STK32B: variants seen among roughly 807,000 people sequenced by gnomAD.
STK32B encodes serine/threonine-protein kinase 32B.
In STK32B, 43 loss-of-function variants were observed where a neutral mutation model predicts 52.6. That is an observed-to-expected ratio of 0.82 (90% CI 0.64 to 1.05). The LOEUF is 1.05. STK32B is among the 50% of genes least tolerant of loss of function. The pLI, the probability that STK32B is intolerant of heterozygous loss-of-function variation, is 0.00. For missense variants in STK32B, 621 were observed against 534.6 expected, an observed-to-expected ratio of 1.16 and a Z score of -1.59; for synonymous variants, 238 against 204.3, an observed-to-expected ratio of 1.17 and a Z score of -1.41.
chr4:5,122,623 A>T (rs1318180820), intron 1 of STK32B, among the ~76,000 whole-genome samples: 1 of 151,898 alleles, frequency 6.6e-6, no homozygotes, highest in African/African-American at 2.4e-5. Context: ...TCATTCCCTG[A>T]CTCATTCACT....
At chr4:5,241,436 G>C (rs1279833219) in intron 3 of STK32B, among the ~76,000 whole-genome samples, 1 of 152,144 alleles carries the variant, frequency 6.6e-6, no homozygotes, top group Admixed American at 6.5e-5. Flanking sequence ...CCAGCACCTG[G>C]AGTGCAAACA....
chr4:5,279,313 A>T (rs555118639), intron 3 of STK32B, among the ~76,000 whole-genome samples: 1 of 152,182 alleles, frequency 6.6e-6, no homozygotes, highest in East Asian at 1.9e-4. Flanking sequence ...ACAAAGGGCT[A>T]CAGGCCCCAA....
intron 4 of STK32B, among the ~76,000 whole-genome samples, chr4:5,346,259 C>T (rs1733450158): frequency 6.6e-6 from 1 of 152,170 alleles, no homozygotes; most frequent in Admixed American, 6.6e-5. Flanking sequence ...TGTGATCAGG[C>T]TTCTGGTCCT....
At chr4:5,308,486 A>T (rs776284058) in intron 3 of STK32B, among the ~76,000 whole-genome samples, 1 of 152,112 alleles carries the variant, frequency 6.6e-6, no homozygotes, top group Non-Finnish European at 1.5e-5. Flanking sequence ...ATTTTTGTGT[A>T]TTCCTCTAGA....
intron 1 of STK32B, among the ~76,000 whole-genome samples, chr4:5,082,237 G>A (rs1400059344): frequency 6.6e-6 from 1 of 152,074 alleles, no homozygotes; most frequent in South Asian, 2.1e-4. Flanking sequence ...AAATTCTCAA[G>A]TTTTTGTGAC....
intron 3 of STK32B, among the ~76,000 whole-genome samples, chr4:5,243,949 A>ATGT (rs914200647): frequency 2.6e-5 from 4 of 152,090 alleles, no homozygotes; most frequent in Non-Finnish European, 5.9e-5. Context: ...ATGGTGGATA[A>ATGT]GCTTTTTGAT....
chr4:5,356,321 C>T (rs1734167566), intron 4 of STK32B, among the ~76,000 whole-genome samples: 1 of 152,086 alleles, frequency 6.6e-6, no homozygotes, highest in Non-Finnish European at 1.5e-5. Context: ...GGATTTAGGA[C>T]CCACCCTAAA....
At chr4:5,359,070 G>C (rs1481734016) in intron 4 of STK32B, among the ~76,000 whole-genome samples, 1 of 152,222 alleles carries the variant, frequency 6.6e-6, no homozygotes, top group Admixed American at 6.5e-5. Context: ...AAGTCTTCTT[G>C]TGCAGGACCT....
At chr4:5,186,769 G>A (rs1368648759) in intron 3 of STK32B, among the ~76,000 whole-genome samples, 2 of 152,172 alleles carry the variant, frequency 1.3e-5, no homozygotes, top group Non-Finnish European at 2.9e-5. Context: ...GGGTTAAGAG[G>A]CGAGGCTCTC....
At chr4:5,136,448 A>C (rs1716084871) in intron 1 of STK32B, among the ~76,000 whole-genome samples, 2 of 152,044 alleles carry the variant, frequency 1.3e-5, no homozygotes, top group East Asian at 3.9e-4. Flanking sequence ...CAATCCGATC[A>C]CTCTGCTAGC....
At chr4:5,072,373 T>C (rs1283184039) in intron 1 of STK32B, among the ~76,000 whole-genome samples, 2 of 152,292 alleles carry the variant, frequency 1.3e-5, no homozygotes, top group African/African-American at 4.8e-5. Context: ...TCTTTCCTAC[T>C]TCAGCAAGTA....
intron 4 of STK32B, among the ~76,000 whole-genome samples, chr4:5,364,245 ATGAT>A (rs1369274415): frequency 6.6e-6 from 1 of 152,236 alleles, no homozygotes; most frequent in African/African-American, 2.4e-5. Flanking sequence ...AAAATTCAGA[ATGAT>A]AGAAACCCAA....
chr4:5,158,310 C>T (rs1389512477), intron 2 of STK32B, among the ~76,000 whole-genome samples: 1 of 152,096 alleles, frequency 6.6e-6, no homozygotes, highest in Admixed American at 6.5e-5. Context: ...AGCGCGGGTC[C>T]TGGGGTCCCT....
intron 2 of STK32B, among the ~76,000 whole-genome samples, chr4:5,147,364 A>T (rs529284941): frequency 1.3e-5 from 2 of 152,076 alleles, no homozygotes; most frequent in Non-Finnish European, 2.9e-5. Flanking sequence ...TCTGTCAACA[A>T]TCATTCTATT....
intron 3 of STK32B, among the ~76,000 whole-genome samples, 172 bp downstream of exon 3, chr4:5,168,622 CAT>C (rs1424032323): frequency 1.3e-5 from 2 of 152,162 alleles, no homozygotes; most frequent in Admixed American, 6.5e-5. Context: ...AGTCTATAGG[CAT>C]ATGTTTCATT....
chr4:5,345,311 T>C (rs1391154293), intron 4 of STK32B: 1 of 44,736 alleles, frequency 2.2e-5, no homozygotes, highest in Non-Finnish European at 4.8e-5. Flanking sequence ...ATAATTCTCC[T>C]TTTTTTTTTT....
In STK32B at chr4:5,400,019, G is replaced by A. The variant is rs1002095752; in HGVS notation, c.472+1775G>A. On this transcript the variant is annotated intron_variant, in intron 5 of 11. Coordinates refer to ENST00000282908, the MANE Select transcript of STK32B (RefSeq NM_018401.3). The surrounding 1 kb of genome is among the most constrained non-coding windows in gnomAD (Gnocchi z 6.1). ...CTGTCCTATTAAGAGAGACCGCTAG[G>A]GGGAGACTTCCTGGCCCTGCAAAGC... 6.6e-6 allele frequency among the ~76,000 whole-genome samples: 1 copy of A among 152,162 alleles called. No individual in the cohort carries two copies. Among genetic ancestry groups the A allele is most frequent in the East Asian group, 1.9e-4 (1 of 5,194 alleles).
At chr4:5,285,147 A>G (rs958798572) in intron 3 of STK32B, among the ~76,000 whole-genome samples, 2 of 152,198 alleles carry the variant, frequency 1.3e-5, no homozygotes, top group South Asian at 4.1e-4. Context: ...ACAGTACATA[A>G]TACATATTAC....
intron 3 of STK32B, among the ~76,000 whole-genome samples, chr4:5,275,485 A>C (rs1338999606): frequency 1.3e-5 from 2 of 152,138 alleles, no homozygotes; most frequent in Non-Finnish European, 2.9e-5. Flanking sequence ...GAAGGAGAAG[A>C]AGCTCTCAGA....
Sources: allele counts gnomAD v4.1 joint callset (sites outside exome capture counted in the v4.1 genomes callset), GRCh38; gene constraint gnomAD v4.1.1; non-coding constraint Gnocchi (gnomAD v3.1); transcripts MANE v1.5; gene names NCBI Gene and HGNC (gene_info 2026-07-23, HGNC 2026-07-21).